CFAP68: variants seen among roughly 807,000 people sequenced by gnomAD.
CFAP68 encodes cilia- and flagella-associated protein 68.
the CFAP68 span, chr11:111,884,006 C>T: frequency 1.5e-6 from 1 of 668,774 alleles, no homozygotes; most frequent in Non-Finnish European, 2.5e-6. Context: ...ATTCTAAGTA[C>T]AGCTAAAAAT....
the CFAP68 span, chr11:111,883,644 A>C: frequency 1.4e-6 from 1 of 701,670 alleles, no homozygotes; most frequent in Non-Finnish European, 2.4e-6. Context: ...AGTAAACAGG[A>C]TTTTTTCTTC....
the CFAP68 span, among the ~76,000 whole-genome samples, chr11:111,880,136 G>C: frequency 6.6e-6 from 1 of 152,180 alleles, no homozygotes; most frequent in African/African-American, 2.4e-5. Context: ...TTGCACCCAG[G>C]TAGGTTGCAG....
chr11:111,880,210 CTAGT>C, the CFAP68 span, among the ~76,000 whole-genome samples: 1 of 152,166 alleles, frequency 6.6e-6, no homozygotes, highest in Non-Finnish European at 1.5e-5. Flanking sequence ...CCTCCCCACT[CTAGT>C]TAGTAGCCTG....
chr11:111,879,588 T>TA, the CFAP68 span: 1 of 1,614,004 alleles, frequency 6.2e-7, no homozygotes, highest in African/African-American at 1.3e-5. Flanking sequence ...TCTCTGCTGC[T>TA]CAAAATTTCT....
the CFAP68 span, chr11:111,884,596 T>C: frequency 1.3e-5 from 2 of 152,222 alleles, no homozygotes; most frequent in Non-Finnish European, 2.9e-5. Flanking sequence ...GCTAGATGCT[T>C]TCTGGGTATA....
the CFAP68 span, chr11:111,883,271 A>G: frequency 2.2e-6 from 3 of 1,363,222 alleles, no homozygotes; most frequent in Non-Finnish European, 3.1e-6. Context: ...CATAGAAGGA[A>G]CTCAAATAAA....
At chr11:111,881,111 C>T in the CFAP68 span, 1 of 889,004 alleles carries the variant, frequency 1.1e-6, no homozygotes, top group South Asian at 2.2e-5. Flanking sequence ...ATCAACAAGA[C>T]TTAGTGACTG....
the CFAP68 span, chr11:111,881,266 T>C: frequency 2.1e-6 from 3 of 1,409,730 alleles, no homozygotes; most frequent in Non-Finnish European, 2.8e-6. Context: ...CATTGGACTT[T>C]GTGGCACCAG....
chr11:111,880,941 T>C, the CFAP68 span: 4 of 369,742 alleles, frequency 1.1e-5, no homozygotes, highest in African/African-American at 8.5e-5. Flanking sequence ...ACTTTCACTT[T>C]GAAAAATTCT....
the CFAP68 span, chr11:111,883,802 A>G: frequency 1.2e-6 from 2 of 1,613,392 alleles, no homozygotes; most frequent in East Asian, 4.5e-5. Flanking sequence ...GGTTCCCAGG[A>G]CATCAACCTG....
chr11:111,881,607 TC>T, the CFAP68 span: 1 of 1,534,466 alleles, frequency 6.5e-7, no homozygotes, highest in Non-Finnish European at 8.7e-7. Flanking sequence ...TTACTCTTCT[TC>T]AGGAAAGGTA....
the CFAP68 span, chr11:111,879,645 T>C: frequency 6.3e-7 from 1 of 1,594,382 alleles, no homozygotes; most frequent in South Asian, 1.1e-5. Context: ...CAAGAAAGAG[T>C]ATTGAGTGTC....
the CFAP68 span, among the ~76,000 whole-genome samples, chr11:111,881,928 T>A: frequency 6.6e-6 from 1 of 152,212 alleles, no homozygotes; most frequent in Admixed American, 6.5e-5. Flanking sequence ...AGGGAAGGCA[T>A]CATTTGAGCT....
At chr11:111,880,812 C>A in the CFAP68 span, 1 of 456,258 alleles carries the variant, frequency 2.2e-6, no homozygotes, top group Admixed American at 2.3e-5. Flanking sequence ...CTTCCGGTAA[C>A]AAGAACATGC....
At chr11:111,883,475 C>T in the CFAP68 span, among the ~76,000 whole-genome samples, 1,768 of 152,150 alleles carry the variant, frequency 0.012, 32 homozygotes, top group African/African-American at 0.039. Context: ...TGCCTGTAGT[C>T]CCAGCTACTC....
the CFAP68 span, chr11:111,879,624 T>A: frequency 6.2e-7 from 1 of 1,608,498 alleles, no homozygotes; most frequent in Non-Finnish European, 8.5e-7. Context: ...ATCTCCTATC[T>A]TCTATTCGTT....
chr11:111,884,464 A>T, the CFAP68 span: 1 of 113,214 alleles, frequency 8.8e-6, no homozygotes, highest in African/African-American at 3.5e-5. Context: ...ACAGAGCGAG[A>T]CTCTGTCTCA....
the CFAP68 span, among the ~76,000 whole-genome samples, chr11:111,882,083 T>C: frequency 6.6e-6 from 1 of 152,216 alleles, no homozygotes; most frequent in African/African-American, 2.4e-5. Context: ...ATTTAGCTAA[T>C]TCTCCATATT....
At chr11:111,883,015 A>T in the CFAP68 span, 1 of 791,402 alleles carries the variant, frequency 1.3e-6, no homozygotes, top group African/African-American at 1.7e-5. Flanking sequence ...ATAGACTAAC[A>T]CCATAGAACT....
Sources: allele counts gnomAD v4.1 joint callset (sites outside exome capture counted in the v4.1 genomes callset), GRCh38; gene constraint gnomAD v4.1.1; transcripts MANE v1.5; gene names NCBI Gene and HGNC (gene_info 2026-07-23, HGNC 2026-07-21).